Variants in MCTP1 observed in about 807,000 individuals in gnomAD.
MCTP1 encodes multiple C2 and transmembrane domain-containing protein 1.
In MCTP1, 69 loss-of-function variants were observed where a neutral mutation model predicts 120.6. That is an observed-to-expected ratio of 0.57 (90% CI 0.47 to 0.70). The LOEUF is 0.70. MCTP1 is among the 30% of genes least tolerant of loss of function. The pLI is 0.00. For synonymous variants in MCTP1, 529 were observed against 493.1 expected, an observed-to-expected ratio of 1.07 and a Z score of -0.96; for missense variants, 1,203 against 1,248.8, an observed-to-expected ratio of 0.96 and a Z score of 0.55.
chr5:95,032,301 G>T (rs1239118100), intron 1 of MCTP1, among the ~76,000 whole-genome samples: 1 of 151,954 alleles, frequency 6.6e-6, no homozygotes, highest in African/African-American at 2.4e-5. Context: ...TCTCATCTGT[G>T]CATGGAACAT....
intron 1 of MCTP1, among the ~76,000 whole-genome samples, chr5:95,245,226 G>C (rs1756623710): frequency 6.6e-6 from 1 of 152,142 alleles, no homozygotes; most frequent in Non-Finnish European, 1.5e-5. Context: ...AGAGAAACCA[G>C]ACCAGAAAAG....
In MCTP1 at chr5:95,250,503, G is replaced by A. The variant is rs188023185; in HGVS notation, c.720+33353C>T. On this transcript the variant is annotated intron_variant, in intron 1 of 22. Coordinates refer to ENST00000515393, the MANE Select transcript of MCTP1 (RefSeq NM_024717.7). ...CAGTTTTTGACAGAGGAGAGGAGAC[G>A]GTTTTTATGTTTAGTATAATGCAAA... is the stretch of plus-strand genomic sequence containing the variant. Among the ~76,000 whole-genome samples the A allele has an allele frequency of 1.7e-3, 254 of 152,208 alleles. 2 individuals are homozygous for A. The highest frequency in any genetic ancestry group is 2.6e-3 in the Non-Finnish European group (178 of 68,004).
chr5:94,854,222 T>C (rs891145683), intron 17 of MCTP1, among the ~76,000 whole-genome samples: 1 of 151,872 alleles, frequency 6.6e-6, no homozygotes, highest in Non-Finnish European at 1.5e-5. Flanking sequence ...GGCCTAGTTA[T>C]ATACGCCAAA....
intron 1 of MCTP1, among the ~76,000 whole-genome samples, chr5:95,257,330 C>T (rs1200780321): frequency 6.6e-6 from 1 of 152,052 alleles, no homozygotes; most frequent in African/African-American, 2.4e-5. Flanking sequence ...AGATCTGTCT[C>T]ATTTTACTTT....
intron 1 of MCTP1, among the ~76,000 whole-genome samples, chr5:95,030,678 C>A (rs1840117876): frequency 6.6e-6 from 1 of 152,056 alleles, no homozygotes; most frequent in Non-Finnish European, 1.5e-5. Flanking sequence ...TTAAAAAAGT[C>A]TCATAGAAAT....
Position 94,987,856 on chromosome 5 carries a change from A to G in MCTP1, c.838+29511T>C, listed in dbSNP as rs560149893. ...CCTCTAAATAAATTATCATTTGGAGAGCTTTTTAATGTTCAGTGTGGTTTT... is the reference window on the plus strand; with the variant it reads ...CCTCTAAATAAATTATCATTTGGAGGGCTTTTTAATGTTCAGTGTGGTTTT... On this transcript the variant is annotated intron_variant, in intron 2 of 22. Coordinates refer to ENST00000515393, the MANE Select transcript of MCTP1 (RefSeq NM_024717.7). Among the ~76,000 whole-genome samples, 108 of 152,314 alleles carry G rather than the reference A, an allele frequency of 7.1e-4. 1 individual carries two copies. The highest frequency in any genetic ancestry group is 2.5e-3 in the African/African-American group (104 of 41,566).
intron 1 of MCTP1, among the ~76,000 whole-genome samples, chr5:95,100,179 C>T (rs1024465367): frequency 4.0e-5 from 6 of 150,760 alleles, no homozygotes; most frequent in East Asian, 2.0e-4. Context: ...TGCTAGATGA[C>T]GAGTTAGTGG....
In MCTP1 at chr5:95,007,662, T is replaced by C. The variant is rs1389778072; in HGVS notation, c.838+9705A>G. 2.6e-5 allele frequency among the ~76,000 whole-genome samples: 4 copies of C among 152,338 alleles called. No homozygotes were observed. The East Asian group carries it at 7.7e-4, about 29-fold the overall frequency. On this transcript the variant is annotated intron_variant, in intron 2 of 22. Transcript: ENST00000515393. ...TTTTTTAAAAATGTCCTACAATTTA[T>C]TTTTCTCAGATCTGGCTGCCTTATA...
chr5:95,018,246 A>C (rs913000753), intron 1 of MCTP1, among the ~76,000 whole-genome samples: 3 of 152,088 alleles, frequency 2.0e-5, no homozygotes, highest in African/African-American at 7.2e-5. Flanking sequence ...TCTTGAGGTC[A>C]TATTTTGTAG....
At chr5:94,805,490 C>G (rs72775332) in intron 17 of MCTP1, among the ~76,000 whole-genome samples, 41,023 of 151,682 alleles carry the variant, frequency 0.27, 6,622 homozygotes, top group Non-Finnish European at 0.38. Flanking sequence ...TAGCTGGGCC[C>G]GGTGGCATAT....
At chr5:95,236,088 G>C (rs1755515904) in intron 1 of MCTP1, among the ~76,000 whole-genome samples, 1 of 152,140 alleles carries the variant, frequency 6.6e-6, no homozygotes, top group Non-Finnish European at 1.5e-5. Context: ...GAAGAACACG[G>C]TCACAAAAAT....
intron 1 of MCTP1, among the ~76,000 whole-genome samples, chr5:95,273,746 G>A (rs1346859213): frequency 6.6e-6 from 1 of 152,114 alleles, no homozygotes; most frequent in East Asian, 1.9e-4. Context: ...CAGCCATTCT[G>A]CAGAAATGCA....
intron 19 of MCTP1, among the ~76,000 whole-genome samples, chr5:94,759,047 C>T (rs992294851): frequency 9.2e-5 from 14 of 152,248 alleles, no homozygotes; most frequent in African/African-American, 3.1e-4. Flanking sequence ...ATTAAATTCT[C>T]AAAACCTGAC....
intron 18 of MCTP1, among the ~76,000 whole-genome samples, chr5:94,791,010 C>T (rs1258832561): frequency 2.0e-5 from 3 of 150,720 alleles, no homozygotes; most frequent in Non-Finnish European, 3.0e-5. Context: ...CGGTGCCTCG[C>T]GCCTGTAATC....
intron 18 of MCTP1, among the ~76,000 whole-genome samples, chr5:94,791,496 A>G (rs1778951559): frequency 3.6e-5 from 1 of 27,784 alleles, no homozygotes. Flanking sequence ...CCCTGTTTCT[A>G]AAATACACAC....
At chr5:95,057,907 C>T (rs945460187) in intron 1 of MCTP1, among the ~76,000 whole-genome samples, 10 of 152,310 alleles carry the variant, frequency 6.6e-5, no homozygotes, top group African/African-American at 2.2e-4. Flanking sequence ...AACATTTACT[C>T]TCCGTCTCCA....
intron 13 of MCTP1, among the ~76,000 whole-genome samples, chr5:94,872,617 GAAAAGGTTTAC>G (rs574785083): frequency 9.3e-4 from 142 of 152,152 alleles, no homozygotes; most frequent in African/African-American, 2.7e-3. Context: ...GTGTATGACT[GAAAAGGTTTAC>G]AAACTTTCTA....
intron 2 of MCTP1, among the ~76,000 whole-genome samples, chr5:94,982,854 A>T (rs2153599682): frequency 7.5e-6 from 1 of 133,630 alleles, no homozygotes; most frequent in African/African-American, 2.9e-5. Context: ...GTGCCACTGT[A>T]CTCTACCTGG....
intron 1 of MCTP1, among the ~76,000 whole-genome samples, chr5:95,062,098 T>C (rs1223579957): frequency 2.0e-5 from 3 of 152,206 alleles, no homozygotes. Context: ...TTGGTAGAAA[T>C]GAAATTTGAA....
Sources: gnomAD v4.1 joint callset for allele counts (sites outside exome capture counted in the v4.1 genomes callset) on GRCh38, gnomAD v4.1.1 for gene constraint, MANE v1.5 for transcripts, NCBI Gene and HGNC (gene_info 2026-07-23, HGNC 2026-07-21) for gene names.